CEP350: variants seen among roughly 807,000 people sequenced by gnomAD.
CEP350 encodes the protein centrosomal protein 350.
In CEP350, 126 loss-of-function variants were observed where a neutral mutation model predicts 331.8. The ratio of observed to expected loss-of-function variants is 0.38; its 90% confidence interval spans 0.33 to 0.44. The LOEUF is 0.44. Ranked by LOEUF, CEP350 falls within the 20% of genes least tolerant of loss-of-function variation. CEP350 has a pLI of 1.00. For synonymous variants in CEP350, 1,200 were observed against 1,259.5 expected, an observed-to-expected ratio of 0.95 and a Z score of 1.00; for missense variants, 3,406 against 3,634.6, an observed-to-expected ratio of 0.94 and a Z score of 1.62.
intron 37 of CEP350, among the ~76,000 whole-genome samples, chr1:180,102,783 T>A (rs1475301704): frequency 6.6e-6 from 1 of 152,262 alleles, no homozygotes; most frequent in Admixed American, 6.5e-5. Context: ...TTTTGAGTTA[T>A]ATTTTAGCTG....
chr1:180,006,614 T>C (rs1571856238), intron 8 of CEP350, 47 bp downstream of exon 8: 1 of 935,418 alleles, frequency 1.1e-6, no homozygotes, highest in Admixed American at 2.2e-5. Flanking sequence ...TTTTAATTAA[T>C]GTTTTCATTA....
chr1:180,093,163 A>G lies in CEP350; in HGVS notation c.7058A>G (p.Gln2353Arg), dbSNP rs1028810731. 6.3e-7 allele frequency: 1 copy of G among 1,597,928 alleles called. No homozygotes were observed. Residue 2353 changes from glutamine to arginine, a missense_variant, in exon 34 of 38, where the codon CAA becomes CGA. Transcript: ENST00000367607. ...CAATCAGGAAAAGACATTCACGAAC[A>G]AAAGAACACAAAGGAAAAAGATTTG... ...NIQSGKDIHE[Q>R]KNTKEKDLSW...
At chr1:180,013,470 G>T (rs1041421994) in intron 9 of CEP350, among the ~76,000 whole-genome samples, 1 of 152,124 alleles carries the variant, frequency 6.6e-6, no homozygotes, top group Non-Finnish European at 1.5e-5. Flanking sequence ...TAAAAAGATT[G>T]TTGACCTTTT....
intron 25 of CEP350, among the ~76,000 whole-genome samples, chr1:180,061,803 G>A (rs1412740527): frequency 6.6e-6 from 1 of 152,038 alleles, no homozygotes; most frequent in Non-Finnish European, 1.5e-5. Flanking sequence ...AACAGCTATG[G>A]GCATTAAAGC....
chr1:180,023,442 A>G (rs1655466327), intron 13 of CEP350, among the ~76,000 whole-genome samples: 1 of 152,224 alleles, frequency 6.6e-6, no homozygotes, highest in Non-Finnish European at 1.5e-5. Flanking sequence ...CTGTGATAGA[A>G]TTGAGGAAGA....
intron 22 of CEP350, among the ~76,000 whole-genome samples, chr1:180,050,031 G>A (rs1332640623): frequency 6.6e-6 from 1 of 152,162 alleles, no homozygotes; most frequent in African/African-American, 2.4e-5. Context: ...GTCTTCTTGA[G>A]TTGAGGAAAT....
chr1:180,057,732 A>T (rs541075649), intron 25 of CEP350, among the ~76,000 whole-genome samples: 122 of 152,158 alleles, frequency 8.0e-4, no homozygotes, highest in African/African-American at 2.8e-3. Context: ...TCATTCAAAG[A>T]TTGTGCTGGG....
intron 37 of CEP350, among the ~76,000 whole-genome samples, chr1:180,101,838 A>C (rs962767695): frequency 1.3e-5 from 2 of 152,200 alleles, no homozygotes; most frequent in African/African-American, 4.8e-5. Flanking sequence ...TTTATTAGGA[A>C]GGATATTGCA....
chr1:180,001,121 G>A (rs1383873710), intron 6 of CEP350, among the ~76,000 whole-genome samples: 1 of 151,982 alleles, frequency 6.6e-6, no homozygotes, highest in Non-Finnish European at 1.5e-5. Flanking sequence ...AGTTATGTAT[G>A]GGTTGCTAAT....
Position 180,048,647 on chromosome 1 carries a change from G to T in CEP350, c.4734G>T (p.Gln1578His). 3 of 1,612,708 alleles carry T rather than the reference G, an allele frequency of 1.9e-6. No individual in the cohort carries two copies. The highest frequency in any genetic ancestry group is 2.5e-6 in the Non-Finnish European group (3 of 1,178,926). ...AGAGTTCCATTGATGAACAGGTTCA[G>T]ACTGCTGCAGATGATTCTCTACGAA... is the stretch of plus-strand genomic sequence containing the variant. ...KIESSIDEQV[Q>H]TAADDSLRSD... The change falls in exon 22 of 38, where the codon CAG becomes CAT. Residue 1578 changes from glutamine (Q) to histidine (H), a missense_variant. Around this residue, in one of 5 missense-constraint regions of CEP350, gnomAD observed 1,857 missense variants for 1,909.2 expected, o/e 0.97. Coordinates refer to ENST00000367607, the MANE Select transcript of CEP350 (RefSeq NM_014810.5).
intron 11 of CEP350, among the ~76,000 whole-genome samples, chr1:180,017,361 A>G (rs573584224): frequency 5.3e-5 from 8 of 152,234 alleles, no homozygotes; most frequent in South Asian, 2.1e-4. Flanking sequence ...GAATGCTTCT[A>G]TTTATTTACT....
intron 27 of CEP350, among the ~76,000 whole-genome samples, chr1:180,070,990 A>T (rs1374583828): frequency 1.3e-5 from 2 of 151,922 alleles, no homozygotes; most frequent in African/African-American, 4.8e-5. Context: ...TCTACTAAAA[A>T]TACAAAAATT....
chr1:180,041,524 C>T, intron 18 of CEP350, 138 bp from the exon 19 acceptor site: 1 of 900,950 alleles, frequency 1.1e-6, no homozygotes. Context: ...AGAGTTAAGA[C>T]TTAAACCATG....
intron 8 of CEP350, among the ~76,000 whole-genome samples, chr1:180,007,872 G>GTT (rs1654367321): frequency 6.6e-6 from 1 of 151,000 alleles, no homozygotes; most frequent in Non-Finnish European, 1.5e-5. Flanking sequence ...GTGTGTGTGT[G>GTT]TGTGTGTTAA....
At chr1:180,108,841 C>G (rs12134536) in intron 37 of CEP350, among the ~76,000 whole-genome samples, 18,194 of 152,194 alleles carry the variant, frequency 0.12, 1,175 homozygotes, top group South Asian at 0.17. Context: ...AGAGGGAGTT[C>G]TCCAAAACTT....
intron 6 of CEP350, among the ~76,000 whole-genome samples, chr1:179,999,935 TA>T (rs1223301286): frequency 6.6e-6 from 1 of 152,220 alleles, no homozygotes; most frequent in African/African-American, 2.4e-5. Flanking sequence ...TCTTGTACTA[TA>T]TTTGGTTGTT....
At chr1:180,084,360 T>C in intron 31 of CEP350, 182 bp downstream of exon 31, 1 of 461,912 alleles carries the variant, frequency 2.2e-6, no homozygotes, top group East Asian at 3.9e-5. Flanking sequence ...AAACATTAAA[T>C]TTTATTTTAT....
At chr1:179,977,512 C>T (rs1571804982) in intron 1 of CEP350, among the ~76,000 whole-genome samples, 2 of 152,062 alleles carry the variant, frequency 1.3e-5, no homozygotes, top group East Asian at 1.9e-4. Context: ...TTCCTTAAAC[C>T]GAGAGGTAGC....
Position 179,996,758 on chromosome 1 carries a change from C to A in CEP350, c.601C>A (p.Pro201Thr). 6.2e-7 allele frequency: 1 copy of A among 1,613,212 alleles called. No individual in the cohort carries two copies. Among genetic ancestry groups the A allele is most frequent in the Middle Eastern group, 1.7e-4 (1 of 6,060 alleles). The change falls in exon 6 of 38, where the codon CCA becomes ACA. Residue 201 changes from proline to threonine, a missense_variant. Coordinates refer to ENST00000367607, the MANE Select transcript of CEP350 (RefSeq NM_014810.5). ...DTVVRFLNDR[P>T]AIDALQNSEC... Reference sequence around the variant, plus strand: ...AGTTGTTAGGTTTTTAAATGATCGACCAGCAATTGATGCATTGCAAAATTC... The same window carrying A: ...AGTTGTTAGGTTTTTAAATGATCGAACAGCAATTGATGCATTGCAAAATTC...
Sources: gnomAD v4.1 joint callset for allele counts (sites outside exome capture counted in the v4.1 genomes callset) on GRCh38, gnomAD v4.1.1 for gene constraint, gnomAD v4.1.1 regional missense constraint, MANE v1.5 for transcripts, NCBI Gene and HGNC (gene_info 2026-07-23, HGNC 2026-07-21) for gene names.